The following PRG4 variants were observed in gnomAD, a reference collection of about 807,000 sequenced individuals.
The protein encoded by PRG4 is proteoglycan 4.
In PRG4, 61 loss-of-function variants were observed where a neutral mutation model predicts 91.2. The ratio of observed to expected loss-of-function variants is 0.67; its 90% confidence interval spans 0.54 to 0.83. PRG4 has a LOEUF of 0.83. Ranked by LOEUF, PRG4 falls within the 40% of genes least tolerant of loss-of-function variation. PRG4 has a pLI of 0.00. For missense variants in PRG4, 1,564 were observed against 1,714.2 expected, an observed-to-expected ratio of 0.91 and a Z score of 1.55; for synonymous variants, 576 against 614.2, an observed-to-expected ratio of 0.94 and a Z score of 0.92.
chr1:186,309,664 T>C (rs988379638), intron 7 of PRG4, 129 bp from the exon 8 acceptor site: 1 of 726,818 alleles, frequency 1.4e-6, no homozygotes, highest in African/African-American at 1.7e-5. Flanking sequence ...TGCAAACAGG[T>C]CAAACTGTGT....
In PRG4 at chr1:186,312,750, T is replaced by G. The variant is rs1212129912; in HGVS notation, c.3992-19T>G. ...TTGCCTTTTAATCTGGTATCTTTTA[T>G]TAAACATGCCACTTACAGGTGTCCT... is the stretch of plus-strand genomic sequence containing the variant. On this transcript the variant is annotated intron_variant, in intron 11 of 12. Transcript: ENST00000445192. 3 of 1,611,340 alleles carry G rather than the reference T, an allele frequency of 1.9e-6. No individual in the cohort carries two copies.
chr1:186,298,938 T>C (rs1656025623), intron 2 of PRG4, among the ~76,000 whole-genome samples: 1 of 152,184 alleles, frequency 6.6e-6, no homozygotes, highest in African/African-American at 2.4e-5. Context: ...TGCACTCATG[T>C]ACGCAAAAAG....
Position 186,312,179 on chromosome 1 carries a change from C to A in PRG4, c.3798C>A (p.Gly1266=). Residue 1266 remains glycine, a synonymous_variant, in exon 11 of 13, where the codon GGC becomes GGA. Transcript: ENST00000445192. Reference sequence around the variant, plus strand: ...TGATATTCTAATACATAACAGGTGGCAGCATTCAGCAGTATATTTATAAAC... The same window carrying A: ...TGATATTCTAATACATAACAGGTGGAAGCATTCAGCAGTATATTTATAAAC... ...PESVYFFKRG[G]SIQQYIYKQE... 6.2e-7 allele frequency: 1 copy of A among 1,613,340 alleles called. No individual in the cohort carries two copies. Among genetic ancestry groups the A allele is most frequent in the South Asian group, 1.1e-5 (1 of 91,046 alleles).
At chr1:186,309,228 C>A in intron 7 of PRG4, 88 bp downstream of exon 7, 28 of 1,301,840 alleles carry the variant, frequency 2.2e-5, no homozygotes, top group Non-Finnish European at 2.8e-5. Context: ...TAGTATCACT[C>A]AACTGAGATA....
rs1256812488 is a variant in PRG4, at chr1:186,314,171, T to C, written c.*393T>C. 1 of 653,496 alleles carries C rather than the reference T, an allele frequency of 1.5e-6. No homozygotes were observed. Among genetic ancestry groups the C allele is most frequent in the East Asian group, 2.8e-5 (1 of 36,164 alleles). 40.5% of individuals were successfully genotyped at this position (653,496 alleles called of 1,614,324 possible). The stretch of plus-strand genomic sequence containing the variant: ...ATTCTACAACTTCAATGGAAATTAT[T>C]ACAAGCAGATTAATCCCTCTTTTTG... On this transcript the variant is annotated 3_prime_UTR_variant, in exon 13 of 13. Coordinates refer to ENST00000445192, the MANE Select transcript of PRG4 (RefSeq NM_005807.6).
rs1305142366 is a variant in PRG4 at position 186,296,829 on chromosome 1, T to A, written c.-30-17T>A. 6 of 1,451,898 alleles carry A rather than the reference T, an allele frequency of 4.1e-6. No homozygotes were observed. In the Admixed American group the frequency reaches 5.0e-5, roughly 12 times the overall value. 89.9% of individuals were successfully genotyped at this position (1,451,898 alleles called of 1,614,324 possible). ...AGATGAAAGAGCTGTTTTCTGATAC[T>A]TTTATTTTATTTTCAGCAAGGGTAC... On this transcript the variant is annotated splice_polypyrimidine_tract_variant and intron_variant, in intron 1 of 12. Transcript: ENST00000445192.
rs1220916108 is a variant in PRG4 at position 186,304,818 on chromosome 1, AGTC to A, written c.495_497del (p.Glu165_Ser166delinsAsp). The A allele has an allele frequency of 1.2e-6, 2 of 1,612,146 alleles. No homozygotes were observed. Among genetic ancestry groups the A allele is most frequent in the Admixed American group, 3.3e-5 (2 of 59,972 alleles). ...GAACATTCTGTTTCTGAAAATCAAG[AGTC>A]CTCCTCCTCCTCCTCCTCTTCCTCT... is the stretch of plus-strand genomic sequence containing the variant. On this transcript the variant is annotated inframe_deletion, in exon 6 of 13. Transcript: ENST00000445192.
intron 11 of PRG4, 44 bp from the exon 12 acceptor site, chr1:186,312,725 T>A (rs1657362446): frequency 6.3e-7 from 1 of 1,596,082 alleles, no homozygotes; most frequent in African/African-American, 1.3e-5. Context: ...AGATAGTACA[T>A]TGCCTTTTAA....
chr1:186,306,905 C>A lies in PRG4; in HGVS notation c.1186C>A (p.Pro396Thr), dbSNP rs768955112. 1.9e-6 allele frequency: 3 copies of A among 1,602,460 alleles called. No homozygotes were observed. The highest frequency in any genetic ancestry group is 2.2e-5 in the South Asian group (2 of 90,472). The change falls in exon 7 of 13, where the codon CCT becomes ACT. Residue 396 changes from proline to threonine, a missense_variant. Around this residue, in one of 3 missense-constraint regions of PRG4, gnomAD observed 48 missense variants for 93.0 expected, o/e 0.52. Coordinates refer to ENST00000445192, the MANE Select transcript of PRG4 (RefSeq NM_005807.6). The part of the protein sequence containing the change: ...TKSAPTTPKE[P>T]APTTTKEPAP... ...GTCTGCACCCACCACTCCCAAGGAG[C>A]CTGCACCCACCACCACCAAGGAGCC...
At position 186,306,654 on chromosome 1, in the gene PRG4, G is replaced by T; in HGVS notation, c.935G>T (p.Ser312Ile). 1 of 1,613,656 alleles carries T rather than the reference G, an allele frequency of 6.2e-7. No individual in the cohort carries two copies. Among genetic ancestry groups the T allele is most frequent in the Non-Finnish European group, 8.5e-7 (1 of 1,179,738 alleles). Reference protein sequence around the residue: ...EKTTSAKETQSIEKTSAKDLA... With the variant: ...EKTTSAKETQIIEKTSAKDLA... ...ACTACTTCCGCTAAAGAGACACAAA[G>T]TATAGAGAAAACATCTGCTAAAGAT... is the stretch of plus-strand genomic sequence containing the variant. The change falls in exon 7 of 13, where the codon AGT becomes ATT. Residue 312 changes from serine to isoleucine, a missense_variant. This residue lies in a region of PRG4 where 437 missense variants were observed against 459.0 expected (regional missense o/e 0.95). Coordinates refer to ENST00000445192, the MANE Select transcript of PRG4 (RefSeq NM_005807.6).
In PRG4 at chr1:186,308,301, C is replaced by T. The variant is rs1656895187; in HGVS notation, c.2582C>T (p.Thr861Ile). The change falls in exon 7 of 13, where the codon ACT becomes ATT. Residue 861 changes from threonine (T) to isoleucine (I), a missense_variant. Physicochemically the swap from Thr to Ile is moderately conservative, Grantham distance 89. Around this residue, in one of 3 missense-constraint regions of PRG4, gnomAD observed 1,079 missense variants for 1,162.2 expected, o/e 0.93. Coordinates refer to ENST00000445192, the MANE Select transcript of PRG4 (RefSeq NM_005807.6). ...ACCACTTCAGAGGTCTCTACTCCAA[C>T]TACCACCAAGGAGCCTACCACTATC... ...PPTTSEVSTPTTTKEPTTIHK... is the reference protein window; with the variant it reads ...PPTTSEVSTPITTKEPTTIHK... 2 of 1,614,044 alleles carry T rather than the reference C, an allele frequency of 1.2e-6. No homozygotes were observed. Among genetic ancestry groups the T allele is most frequent in the East Asian group, 4.5e-5 (2 of 44,876 alleles).
chr1:186,299,391 G>A (rs1453627814), intron 2 of PRG4, among the ~76,000 whole-genome samples: 2 of 152,214 alleles, frequency 1.3e-5, no homozygotes, highest in South Asian at 2.1e-4. Flanking sequence ...TGCAACCAGC[G>A]TGCTTTAAAC....
rs780095231 is a variant in PRG4 at position 186,308,214 on chromosome 1, A to T, written c.2495A>T (p.Lys832Met). 1 of 1,612,228 alleles carries T rather than the reference A, an allele frequency of 6.2e-7. No homozygotes were observed. Among genetic ancestry groups the T allele is most frequent in the Non-Finnish European group, 8.5e-7 (1 of 1,179,388 alleles). ...TPKETAPTTP[K>M]EPAPTTPKKP... Reference sequence around the variant, plus strand: ...AAGGAGACTGCTCCAACTACCCCCAAGGAGCCTGCACCCACTACCCCCAAG... The same window carrying T: ...AAGGAGACTGCTCCAACTACCCCCATGGAGCCTGCACCCACTACCCCCAAG... The change falls in exon 7 of 13, where the codon AAG (lysine) becomes ATG (methionine). Residue 832 changes from lysine (K) to methionine (M), a missense_variant. Physicochemically the swap from Lys to Met is moderately conservative, Grantham distance 95. Transcript: ENST00000445192.
intron 8 of PRG4, 73 bp from the exon 9 acceptor site, chr1:186,310,961 T>C: frequency 3.2e-6 from 5 of 1,546,474 alleles, no homozygotes; most frequent in Non-Finnish European, 4.5e-6. Context: ...AACTACATTT[T>C]TTTTCATTTT....
At chr1:186,304,054 AG>A (rs1269390247) in intron 4 of PRG4, 53 bp from the exon 5 acceptor site, 19 of 1,586,328 alleles carry the variant, frequency 1.2e-5, no homozygotes. Context: ...TCACAGTTAG[AG>A]CTGCTGATGA....
rs1656456143 is a variant in PRG4, at chr1:186,304,913, A to C, written c.589A>C (p.Lys197Gln). The C allele has an allele frequency of 6.2e-7, 1 of 1,613,330 alleles. No homozygotes were observed. Among genetic ancestry groups the C allele is most frequent in the Non-Finnish European group, 8.5e-7 (1 of 1,179,474 alleles). The change falls in exon 6 of 13, where the codon AAA becomes CAA. Residue 197 changes from lysine to glutamine, a missense_variant. Physicochemically the swap from Lys to Gln is moderately conservative, Grantham distance 53. Around this residue, in one of 3 missense-constraint regions of PRG4, gnomAD observed 437 missense variants for 459.0 expected, o/e 0.95. Transcript: ENST00000445192. ...NSAANRELQK[K>Q]LKVKDNKKNR... ...AGCTGCTAATAGAGAATTACAGAAG[A>C]AACTCAAAGGTTTGAGCATTGATAA...
chr1:186,308,636 A>G lies in PRG4; in HGVS notation c.2917A>G (p.Ile973Val). The change falls in exon 7 of 13, where the codon ATT (isoleucine) becomes GTT (valine). Residue 973 changes from isoleucine (I) to valine (V), a missense_variant. Around this residue, in one of 3 missense-constraint regions of PRG4, gnomAD observed 1,079 missense variants for 1,162.2 expected, o/e 0.93. Coordinates refer to ENST00000445192, the MANE Select transcript of PRG4 (RefSeq NM_005807.6). ...AACTCAAGATACCACACCATTCAAA[A>G]TTACTACTCTTAAAACAACTACTCT... is the stretch of plus-strand genomic sequence containing the variant. ...TTTQDTTPFK[I>V]TTLKTTTLAP... is the part of the protein sequence containing the mutation. 1 of 1,612,568 alleles carries G rather than the reference A, an allele frequency of 6.2e-7. No individual in the cohort carries two copies. The highest frequency in any genetic ancestry group is 8.5e-7 in the Non-Finnish European group (1 of 1,179,708).
Position 186,309,884 on chromosome 1 carries a change from A to G in PRG4, c.3499+14A>G. On this transcript the variant is annotated intron_variant, in intron 8 of 12. Transcript: ENST00000445192. ...TTGCATTCCGAGGTGAGCTATGTACACATTTATTTTTCTTCTCATCATTCT... is the reference window on the plus strand; with the variant it reads ...TTGCATTCCGAGGTGAGCTATGTACGCATTTATTTTTCTTCTCATCATTCT... 2 of 1,605,582 alleles carry G rather than the reference A, an allele frequency of 1.2e-6. No individual in the cohort carries two copies. Among genetic ancestry groups the G allele is most frequent in the Non-Finnish European group, 1.7e-6 (2 of 1,172,342 alleles).
chr1:186,308,987 G>A lies in PRG4; in HGVS notation c.3268G>A (p.Val1090Ile). The change falls in exon 7 of 13, where the codon GTA becomes ATA. Residue 1090 changes from valine to isoleucine, a missense_variant. Val to Ile is a conservative substitution (Grantham distance 29, BLOSUM62 3). Coordinates refer to ENST00000445192, the MANE Select transcript of PRG4 (RefSeq NM_005807.6). ...AACTCCAAACTCCAAACTAGTTGAA[G>A]TAAATCCAAAGAGTGAAGATGCAGG... The part of the protein sequence containing the change: ...NQTPNSKLVE[V>I]NPKSEDAGGA... The A allele has an allele frequency of 6.2e-7, 1 of 1,608,944 alleles. No individual in the cohort carries two copies.
Sources: gnomAD v4.1 joint callset for allele counts (sites outside exome capture counted in the v4.1 genomes callset) on GRCh38, gnomAD v4.1.1 for gene constraint, gnomAD v4.1.1 regional missense constraint, MANE v1.5 for transcripts, NCBI Gene and HGNC (gene_info 2026-07-23, HGNC 2026-07-21) for gene names.